Variants in ACSL6 observed in about 807,000 individuals in gnomAD.
ACSL6 encodes the protein long-chain-fatty-acid--CoA ligase 6.
Under a neutral mutation model 98.2 loss-of-function variants are expected in ACSL6, and 47 were observed. The ratio of observed to expected loss-of-function variants is 0.48; its 90% CI spans 0.38 to 0.61. The LOEUF is 0.61. Ranked by LOEUF, ACSL6 falls within the 20% of genes least tolerant of loss-of-function variation. The pLI is 0.00. For synonymous variants in ACSL6, 362 were observed against 336.9 expected, an observed-to-expected ratio of 1.07 and a Z score of -0.82; for missense variants, 761 against 913.4, an observed-to-expected ratio of 0.83 and a Z score of 2.15.
At chr5:131,996,725 C>T (rs1171799835) in intron 1 of ACSL6, among the ~76,000 whole-genome samples, 2 of 152,220 alleles carry the variant, frequency 1.3e-5, no homozygotes, top group Non-Finnish European at 1.5e-5. Flanking sequence ...GCCAAGTCAT[C>T]CATCTGTCTT....
chr5:131,968,291 C>T (rs369854822), intron 15 of ACSL6: 9 of 397,206 alleles, frequency 2.3e-5, no homozygotes, highest in East Asian at 4.3e-5. Flanking sequence ...CCAGCACCAA[C>T]GTGCACAGGG....
intron 3 of ACSL6, 43 bp downstream of exon 3, chr5:131,990,810 T>C (rs1002149714): frequency 6.7e-7 from 1 of 1,503,640 alleles, no homozygotes; most frequent in Non-Finnish European, 9.1e-7. Context: ...ACTCCACCCC[T>C]GCCACACAGC....
At position 131,976,629 on chromosome 5, in the gene ACSL6, G is replaced by A. The variant is rs1021049949; in HGVS notation, c.990+19C>T. ...TTGTCCTCAAGAGACACCTGCAACA[G>A]TAATGCTACTTTATTCACCTCTGTC... is the stretch of plus-strand genomic sequence containing the variant. On this transcript the variant is annotated intron_variant, in intron 10 of 20. Coordinates refer to ENST00000651883, the MANE Select transcript of ACSL6 (RefSeq NM_001009185.3). 1.4e-5 allele frequency: 22 copies of A among 1,604,772 alleles called. No individual in the cohort carries two copies. Among genetic ancestry groups the A allele is most frequent in the Non-Finnish European group, 1.8e-5 (21 of 1,171,590 alleles).
chr5:131,989,591 T>TG, intron 4 of ACSL6, 83 bp from the exon 5 acceptor site: 2 of 802,626 alleles, frequency 2.5e-6, no homozygotes, highest in Non-Finnish European at 3.6e-6. Flanking sequence ...TTCTTTTTTT[T>TG]TTTTTTTTTT....
At chr5:131,970,962 T>A (rs1299315035) in intron 14 of ACSL6, among the ~76,000 whole-genome samples, 2 of 152,152 alleles carry the variant, frequency 1.3e-5, no homozygotes, top group Non-Finnish European at 2.9e-5. Context: ...GTACAGTGAA[T>A]AAAGATCAAG....
intron 1 of ACSL6, among the ~76,000 whole-genome samples, chr5:131,995,446 G>C (rs375224920): frequency 1.3e-5 from 2 of 152,142 alleles, no homozygotes; most frequent in East Asian, 3.9e-4. Context: ...GGCACCTACA[G>C]GTCTGCCAGC....
chr5:131,983,677 A>G (rs777255689), intron 9 of ACSL6: 3 of 152,354 alleles, frequency 2.0e-5, no homozygotes, highest in Non-Finnish European at 4.4e-5. Flanking sequence ...ATATCAGGCC[A>G]GAGCCCTGCT....
chr5:132,003,105 C>T (rs1458849568), intron 1 of ACSL6, among the ~76,000 whole-genome samples: 6 of 152,194 alleles, frequency 3.9e-5, no homozygotes, highest in African/African-American at 1.4e-4. Flanking sequence ...AAGAGTTTTG[C>T]CCTTGGTTAA....
rs199702305 is a variant in ACSL6, at chr5:131,990,873, C to T, written c.365G>A (p.Arg122His). ...CTCACCTGAGATGCTAAGCCCACGG[C>T]GGAACACCTGGTACATGGTCCGGGC... ...DDARTMYQVF[R>H]RGLSISGNGP... Residue 122 changes from arginine to histidine, a missense_variant, in exon 3 of 21, where the codon CGC (arginine) becomes CAC (histidine). Arg to His is a conservative substitution (Grantham distance 29). Transcript: ENST00000651883. 30 of 1,613,730 alleles carry T rather than the reference C, an allele frequency of 1.9e-5. No homozygotes were observed. The highest frequency in any genetic ancestry group is 1.3e-4 in the East Asian group (6 of 44,886).
At chr5:131,973,550 A>G in intron 11 of ACSL6, 150 bp from the exon 12 acceptor site, 1 of 713,226 alleles carries the variant, frequency 1.4e-6, no homozygotes, top group Non-Finnish European at 2.2e-6. Context: ...GATGAATGCC[A>G]TCTGAGGTGA....
At chr5:131,978,368 G>A (rs371747484) in intron 9 of ACSL6, among the ~76,000 whole-genome samples, 5 of 152,188 alleles carry the variant, frequency 3.3e-5, no homozygotes, top group Admixed American at 6.5e-5. Flanking sequence ...AGTTTTAGAC[G>A]TTTGCCCAAA....
At chr5:132,000,205 C>G (rs1755010564) in intron 1 of ACSL6, among the ~76,000 whole-genome samples, 1 of 152,110 alleles carries the variant, frequency 6.6e-6, no homozygotes, top group Admixed American at 6.5e-5. Flanking sequence ...CCAGATAAAA[C>G]ATCTGCTTAG....
intron 18 of ACSL6, 185 bp from the exon 19 acceptor site, chr5:131,960,806 C>A: frequency 2.0e-6 from 1 of 495,762 alleles, no homozygotes; most frequent in Non-Finnish European, 3.5e-6. Context: ...TGATATATTC[C>A]CCTAGTTTTA....
intron 6 of ACSL6, 200 bp downstream of exon 6, chr5:131,988,605 G>A (rs778811909): frequency 6.2e-7 from 1 of 1,612,992 alleles, no homozygotes; most frequent in Non-Finnish European, 8.5e-7. Context: ...TGAGCCCTGT[G>A]GAAGGAACCT....
At chr5:131,988,315 A>T in intron 6 of ACSL6, 89 bp from the exon 7 acceptor site, 2 of 1,474,764 alleles carry the variant, frequency 1.4e-6, no homozygotes, top group Non-Finnish European at 1.9e-6. Context: ...GCCAGGCAGC[A>T]CTTCCATGGT....
At chr5:131,989,593 T>G (rs3763117) in intron 4 of ACSL6, 85 bp from the exon 5 acceptor site, 19 of 904,304 alleles carry the variant, frequency 2.1e-5, no homozygotes, top group Non-Finnish European at 2.9e-5. Flanking sequence ...CTTTTTTTTT[T>G]TTTTTTTTTT....
intron 9 of ACSL6, among the ~76,000 whole-genome samples, chr5:131,980,119 G>A (rs1183776602): frequency 1.3e-5 from 2 of 152,166 alleles, no homozygotes; most frequent in African/African-American, 4.8e-5. Context: ...ACAGTTCTGG[G>A]CCACCCAGCT....
rs867535797 is a variant in ACSL6, at chr5:131,968,008, G to A, written c.1528C>T (p.Pro510Ser). 6.2e-7 allele frequency: 1 copy of A among 1,613,910 alleles called. No homozygotes were observed. Among genetic ancestry groups the A allele is most frequent in the Non-Finnish European group, 8.5e-7 (1 of 1,179,872 alleles). The change falls in exon 16 of 21, where the codon CCC (proline) becomes TCC (serine). Residue 510 changes from proline to serine, a missense_variant. Transcript: ENST00000651883. ...TCAACGAGCTTGATATGATTGCAGG[G>A]AAGTGGCGCCCCTACGTGCCCTGGA... The part of the protein sequence containing the change: ...WTSGHVGAPL[P>S]CNHIKLVDVE...
At chr5:131,988,634 G>C (rs770651396) in intron 6 of ACSL6, 171 bp downstream of exon 6, 5 of 1,613,120 alleles carry the variant, frequency 3.1e-6, no homozygotes, top group Non-Finnish European at 4.2e-6. Flanking sequence ...AGTCTGACCA[G>C]GGACAGCTTG....
Sources: allele counts gnomAD v4.1 joint callset (sites outside exome capture counted in the v4.1 genomes callset), GRCh38; gene constraint gnomAD v4.1.1; transcripts MANE v1.5; gene names NCBI Gene and HGNC (gene_info 2026-07-23, HGNC 2026-07-21).